Variants in DIP2B observed in about 807,000 individuals in gnomAD.
The protein encoded by DIP2B is disco-interacting protein 2 homolog B.
In DIP2B, 76 loss-of-function variants were observed where a neutral mutation model predicts 198.0. The observed-to-expected ratio is 0.38, with a 90% confidence interval of 0.32 to 0.46. The LOEUF (loss-of-function observed/expected upper bound fraction) is 0.46, where lower values mean the gene tolerates loss of function less well. Ranked by LOEUF, DIP2B falls within the 20% of genes least tolerant of loss-of-function variation. DIP2B has a pLI of 0.99. For synonymous variants in DIP2B, 701 were observed against 739.1 expected (o/e 0.95, Z 0.84); for missense variants, 1,559 against 1,978.4 (o/e 0.79, Z 4.02).
intron 1 of DIP2B, among the ~76,000 whole-genome samples, chr12:50,624,166 A>G (rs1235499069): frequency 2.0e-5 from 3 of 152,174 alleles, no homozygotes; most frequent in African/African-American, 2.4e-5. Context: ...TTATTTTTCA[A>G]CTATATCCCA....
chr12:50,565,812 A>C (rs866678636), intron 1 of DIP2B, among the ~76,000 whole-genome samples: 1 of 152,224 alleles, frequency 6.6e-6, no homozygotes, highest in Non-Finnish European at 1.5e-5. Context: ...TAAAATTTGA[A>C]TGGAAAAATG....
At chr12:50,720,412 C>T (rs1443888674) in intron 25 of DIP2B, among the ~76,000 whole-genome samples, 3 of 150,744 alleles carry the variant, frequency 2.0e-5, no homozygotes, top group Non-Finnish European at 4.4e-5. Flanking sequence ...TCTCCTCCAT[C>T]CCCCTGGAAT....
At chr12:50,636,054 T>A (rs1275677382) in intron 2 of DIP2B, among the ~76,000 whole-genome samples, 1 of 152,186 alleles carries the variant, frequency 6.6e-6, no homozygotes, top group East Asian at 1.9e-4. Context: ...GCAGGAGAGA[T>A]GACAGTTACA....
intron 1 of DIP2B, among the ~76,000 whole-genome samples, chr12:50,543,947 A>G: frequency 9.6e-6 from 1 of 104,438 alleles, no homozygotes; most frequent in South Asian, 3.6e-4. Flanking sequence ...AAAAAAAAGG[A>G]GGCTGGGCAT....
chr12:50,681,729 T>A (rs1204001050), intron 9 of DIP2B, among the ~76,000 whole-genome samples: 1 of 152,238 alleles, frequency 6.6e-6, no homozygotes, highest in Non-Finnish European at 1.5e-5. Flanking sequence ...ATGGAATCTC[T>A]TAAACTAGAC....
In DIP2B at chr12:50,541,403, C is replaced by CTT. The variant is rs57979674; in HGVS notation, c.100+36181_100+36182dup. Among the ~76,000 whole-genome samples the CTT allele has an allele frequency of 6.4e-4, 82 of 128,600 alleles. 1 individual carries two copies. Among genetic ancestry groups the CTT allele is most frequent in the Non-Finnish European group, 8.0e-4 (49 of 60,876 alleles). 84.4% of individuals were successfully genotyped at this position (128,600 alleles called of 152,430 possible). A position where few individuals can be genotyped will look rare whatever the true frequency, so the allele number is the denominator to read the frequency against. On this transcript the variant is annotated intron_variant, in intron 1 of 37. Coordinates refer to ENST00000301180, the MANE Select transcript of DIP2B (RefSeq NM_173602.3). ...TTGGAATCCAAGGACAAAGAACATT[C>CTT]TTTTTTTTTTTTTTTTTTTAAATCC... is the stretch of plus-strand genomic sequence containing the variant.
chr12:50,518,383 C>T (rs1332152108), intron 1 of DIP2B, among the ~76,000 whole-genome samples: 2 of 152,134 alleles, frequency 1.3e-5, no homozygotes, highest in African/African-American at 4.8e-5. Flanking sequence ...CGCTACCATG[C>T]CCGGCTAATT....
intron 2 of DIP2B, among the ~76,000 whole-genome samples, chr12:50,629,423 G>A (rs1200114128): frequency 6.6e-6 from 1 of 152,146 alleles, no homozygotes; most frequent in Non-Finnish European, 1.5e-5. Flanking sequence ...TCCAGGGTGA[G>A]GCCTGAGAAT....
At position 50,748,369 on chromosome 12, in the gene DIP2B, A is replaced by G. The variant is rs1281342766; in HGVS notation, c.*3530A>G. On this transcript the variant is annotated 3_prime_UTR_variant, in exon 38 of 38. Coordinates refer to ENST00000301180, the MANE Select transcript of DIP2B (RefSeq NM_173602.3). The stretch of plus-strand genomic sequence containing the variant: ...GCCTTTTCTTTATCATTCATACGAC[A>G]TTTCTGGTTTAGGTGTATGTAGTTG... 2 of 152,554 alleles carry G rather than the reference A, an allele frequency of 1.3e-5. No homozygotes were observed. Among genetic ancestry groups the G allele is most frequent in the East Asian group, 1.9e-4 (1 of 5,192 alleles). 9.5% of individuals were successfully genotyped at this position (152,554 alleles called of 1,614,324 possible).
intron 1 of DIP2B, among the ~76,000 whole-genome samples, chr12:50,545,686 T>C (rs1958371054): frequency 6.6e-6 from 1 of 151,498 alleles, no homozygotes; most frequent in African/African-American, 2.4e-5. Flanking sequence ...TTTTTTTTTT[T>C]TTTTCATAAC....
chr12:50,517,646 TC>T (rs950944280), intron 1 of DIP2B, among the ~76,000 whole-genome samples: 1 of 152,176 alleles, frequency 6.6e-6, no homozygotes, highest in South Asian at 2.1e-4. Flanking sequence ...TAAGCATCTT[TC>T]TTTGTATACC....
intron 10 of DIP2B, 94 bp downstream of exon 10, chr12:50,683,342 C>T (rs1230474122): frequency 1.7e-5 from 17 of 1,026,496 alleles, no homozygotes; most frequent in East Asian, 2.7e-5. Context: ...AAAAACTGTT[C>T]GACCATTTTT....
chr12:50,548,618 C>T (rs780637669), intron 1 of DIP2B, among the ~76,000 whole-genome samples: 12 of 152,140 alleles, frequency 7.9e-5, no homozygotes, highest in Non-Finnish European at 1.6e-4. Context: ...CTCTGCCTCC[C>T]GGGTTCAAGG....
intron 12 of DIP2B, among the ~76,000 whole-genome samples, chr12:50,690,687 G>A (rs185849602): frequency 2.5e-4 from 38 of 152,258 alleles, no homozygotes; most frequent in Non-Finnish European, 4.0e-4. Flanking sequence ...CAGAGACCGC[G>A]TCTTACATAC....
chr12:50,701,158 T>C (rs565176259), intron 19 of DIP2B, among the ~76,000 whole-genome samples: 46 of 152,338 alleles, frequency 3.0e-4, no homozygotes, highest in South Asian at 1.0e-3. Flanking sequence ...GTCCATAGTG[T>C]TGAAGAAAAT....
At position 50,640,840 on chromosome 12, in the gene DIP2B, C is replaced by T. The variant is rs1938243332; in HGVS notation, c.289C>T (p.Arg97Ter). 1.9e-6 allele frequency: 3 copies of T among 1,613,444 alleles called. No individual in the cohort carries two copies. Among genetic ancestry groups the T allele is most frequent in the African/African-American group, 1.3e-5 (1 of 74,888 alleles). ...RTRSGGARDE[R>*]YRSDIHTEAV... ...TCGATCTGGGGGAGCCAGGGATGAA[C>T]GATATCGATCAGGTGAGGAGAAGCT... Residue 97 changes from arginine (R) to a stop codon, truncating the protein, a stop_gained, in exon 3 of 38, where the codon CGA becomes TGA. Coordinates refer to ENST00000301180, the MANE Select transcript of DIP2B (RefSeq NM_173602.3). LOFTEE classifies it high-confidence loss of function.
intron 36 of DIP2B, among the ~76,000 whole-genome samples, chr12:50,740,007 G>T (rs982886961): frequency 6.6e-6 from 1 of 152,216 alleles, no homozygotes; most frequent in Non-Finnish European, 1.5e-5. Flanking sequence ...GCTGAGGCAT[G>T]GCAGTGCCTC....
chr12:50,505,862 T>G (rs1184559685), intron 1 of DIP2B, among the ~76,000 whole-genome samples: 1 of 128,976 alleles, frequency 7.8e-6, no homozygotes, highest in Non-Finnish European at 1.6e-5. Flanking sequence ...TCATAAGAAG[T>G]TTTTTTTTTT....
intron 30 of DIP2B, among the ~76,000 whole-genome samples, chr12:50,730,697 T>C (rs1940027182): frequency 6.6e-6 from 1 of 152,212 alleles, no homozygotes; most frequent in Non-Finnish European, 1.5e-5. Flanking sequence ...ACTTGAATAC[T>C]ATTAATATTT....
Sources: gnomAD v4.1 joint callset for allele counts (sites outside exome capture counted in the v4.1 genomes callset) on GRCh38, gnomAD v4.1.1 for gene constraint, MANE v1.5 for transcripts, NCBI Gene and HGNC (gene_info 2026-07-23, HGNC 2026-07-21) for gene names.